The following DLC1 variants were observed in gnomAD, a reference collection of about 807,000 sequenced individuals.
DLC1 encodes rho GTPase-activating protein 7.
A neutral mutation model predicts 140.3 loss-of-function variants in DLC1; 54 were observed. That is an observed-to-expected ratio of 0.38 (90% CI 0.31 to 0.48). The LOEUF is 0.48. Ranked by LOEUF, DLC1 falls within the 20% of genes least tolerant of loss-of-function variation. The pLI, the probability that DLC1 is intolerant of heterozygous loss-of-function variation, is 0.96. For missense variants in DLC1, 2,536 were observed against 1,907.0 expected, an observed-to-expected ratio of 1.33 and a Z score of -6.14; for synonymous variants, 986 against 728.1, an observed-to-expected ratio of 1.35 and a Z score of -5.70.
rs1005043534 is a variant in DLC1 at position 13,085,239 on chromosome 8, C to T, written c.*572G>A. ...TGGATTCAGGGGTAGTCAGATATTC[C>T]AGGTTAAACTGAACCTGATGCATCA... On this transcript the variant is annotated 3_prime_UTR_variant, in exon 18 of 18. Transcript: ENST00000276297. 2.0e-5 allele frequency: 3 copies of T among 152,568 alleles called. No homozygotes were observed. The highest frequency in any genetic ancestry group is 4.8e-5 in the African/African-American group (2 of 41,428). 9.5% of individuals were successfully genotyped at this position (152,568 alleles called of 1,614,324 possible).
chr8:13,305,880 C>A (rs1312741700), intron 4 of DLC1, among the ~76,000 whole-genome samples: 2 of 152,136 alleles, frequency 1.3e-5, no homozygotes, highest in Non-Finnish European at 2.9e-5. Flanking sequence ...AATCTAAAAA[C>A]ACTTTGAATT....
intron 2 of DLC1, among the ~76,000 whole-genome samples, chr8:13,432,942 C>CTTTTTTTTT (rs35776848): frequency 4.3e-5 from 4 of 93,016 alleles, no homozygotes; most frequent in Non-Finnish European, 6.1e-5. Flanking sequence ...TCCTCTCTTC[C>CTTTTTTTTT]TTTTTTTTTT....
chr8:13,291,115 G>A lies in DLC1; in HGVS notation c.1348+14154C>T, dbSNP rs530809528. On this transcript the variant is annotated intron_variant, in intron 5 of 17. Coordinates refer to ENST00000276297, the MANE Select transcript of DLC1 (RefSeq NM_182643.3). ...GTAGAGACAGGGTTTCACCATGTGG[G>A]CCAGGCTGGTCTTGAACTCCTGGCC... Among the ~76,000 whole-genome samples, 64 of 152,234 alleles carry A rather than the reference G, an allele frequency of 4.2e-4. 1 individual carries two copies. Among genetic ancestry groups the A allele is most frequent in the African/African-American group, 1.4e-3 (60 of 41,554 alleles).
chr8:13,244,561 A>C lies in DLC1; in HGVS notation c.1348+60708T>G, dbSNP rs370198642. ...TGATCCTCCCACTTCAGTCTCCCAA[A>C]GTGCTGGGATTACAGGCATGAGCCA... On this transcript the variant is annotated intron_variant, in intron 5 of 17. Coordinates refer to ENST00000276297, the MANE Select transcript of DLC1 (RefSeq NM_182643.3). 3.9e-4 allele frequency among the ~76,000 whole-genome samples: 60 copies of C among 152,128 alleles called. 1 individual carries two copies. Among genetic ancestry groups the C allele is most frequent in the African/African-American group, 1.4e-3 (60 of 41,510 alleles).
At chr8:13,233,973 A>T (rs893901568) in intron 5 of DLC1, among the ~76,000 whole-genome samples, 1 of 152,332 alleles carries the variant, frequency 6.6e-6, no homozygotes, top group East Asian at 1.9e-4. Context: ...GAGCTACAAG[A>T]AGCAAGTGTT....
intron 5 of DLC1, among the ~76,000 whole-genome samples, chr8:13,299,307 G>T (rs1445811721): frequency 2.0e-5 from 3 of 151,780 alleles, no homozygotes; most frequent in African/African-American, 7.3e-5. Context: ...AATTAGCCAG[G>T]TGTGGTGGTG....
intron 5 of DLC1, among the ~76,000 whole-genome samples, chr8:13,162,698 G>C (rs901260855): frequency 7.9e-5 from 12 of 152,098 alleles, no homozygotes. Flanking sequence ...CCAGCACTTT[G>C]GGAGGCCAAG....
intron 2 of DLC1, among the ~76,000 whole-genome samples, chr8:13,448,134 A>G (rs7838906): frequency 0.039 from 5,974 of 152,260 alleles, 366 homozygotes; most frequent in African/African-American, 0.13. Flanking sequence ...GTTGGGCAAC[A>G]TCGGTGATTA....
chr8:13,579,531 A>T (rs1437941142), intron 1 of DLC1, among the ~76,000 whole-genome samples: 1 of 111,880 alleles, frequency 8.9e-6, no homozygotes, highest in South Asian at 2.4e-4. Context: ...ATTATATTTT[A>T]TATTATATAT....
intron 1 of DLC1, among the ~76,000 whole-genome samples, chr8:13,590,716 C>T (rs1169509120): frequency 6.6e-6 from 1 of 151,994 alleles, no homozygotes; most frequent in Non-Finnish European, 1.5e-5. Context: ...TTCTCTATTT[C>T]ATTGTAGCAG....
intron 2 of DLC1, among the ~76,000 whole-genome samples, chr8:13,442,364 T>C (rs1798555777): frequency 6.6e-6 from 1 of 152,190 alleles, no homozygotes; most frequent in Admixed American, 6.5e-5. Flanking sequence ...GGGATCTAAT[T>C]AAGCTAAGGA....
chr8:13,127,391 T>G (rs1821673454), intron 5 of DLC1, among the ~76,000 whole-genome samples: 1 of 152,230 alleles, frequency 6.6e-6, no homozygotes, highest in African/African-American at 2.4e-5. Context: ...GGCACTGGTT[T>G]TCCAGGCTGC....
At chr8:13,554,738 T>G (rs1803982091) in intron 1 of DLC1, among the ~76,000 whole-genome samples, 1 of 152,214 alleles carries the variant, frequency 6.6e-6, no homozygotes, top group Non-Finnish European at 1.5e-5. Context: ...TGCTTGGACT[T>G]TTGCTTCTGC....
At chr8:13,326,977 C>T (rs1283826721) in intron 4 of DLC1, among the ~76,000 whole-genome samples, 1 of 152,084 alleles carries the variant, frequency 6.6e-6, no homozygotes, top group Non-Finnish European at 1.5e-5. Flanking sequence ...TTTTTTGAGA[C>T]AGAATCTCGC....
At chr8:13,142,990 C>T (rs1823118311) in intron 5 of DLC1, among the ~76,000 whole-genome samples, 1 of 151,048 alleles carries the variant, frequency 6.6e-6, no homozygotes, top group African/African-American at 2.4e-5. Context: ...TTGCGGTGAG[C>T]CAAGATTGTG....
chr8:13,372,643 C>A (rs1464438780), intron 4 of DLC1, among the ~76,000 whole-genome samples: 2 of 152,132 alleles, frequency 1.3e-5, no homozygotes, highest in Non-Finnish European at 2.9e-5. Flanking sequence ...TAACTAAGCG[C>A]TAAACTATTT....
intron 10 of DLC1, among the ~76,000 whole-genome samples, chr8:13,096,443 T>TA (rs1291100483): frequency 6.6e-6 from 1 of 151,998 alleles, no homozygotes; most frequent in African/African-American, 2.4e-5. Context: ...CCAGGAAAGG[T>TA]AAAACGAAAG....
chr8:13,114,788 GT>G (rs1364954506), intron 6 of DLC1, among the ~76,000 whole-genome samples: 3 of 152,194 alleles, frequency 2.0e-5, no homozygotes, highest in African/African-American at 7.2e-5. Context: ...GGAAATGGCA[GT>G]CAAAATCTCT....
chr8:13,087,396 G>C (rs1161682114), intron 16 of DLC1, among the ~76,000 whole-genome samples: 1 of 152,190 alleles, frequency 6.6e-6, no homozygotes, highest in African/African-American at 2.4e-5. Flanking sequence ...ATGAAACCAT[G>C]TCCCCAAATC....
Sources: gnomAD v4.1 joint callset for allele counts (sites outside exome capture counted in the v4.1 genomes callset) on GRCh38, gnomAD v4.1.1 for gene constraint, MANE v1.5 for transcripts, NCBI Gene and HGNC (gene_info 2026-07-23, HGNC 2026-07-21) for gene names.